DMXL2: variants seen among roughly 807,000 people sequenced by gnomAD.
The protein encoded by DMXL2 is dmX-like protein 2.
Under a neutral mutation model 331.1 loss-of-function variants are expected in DMXL2, and 103 were observed. The observed-to-expected ratio is 0.31, with a 90% CI of 0.27 to 0.37. The LOEUF (loss-of-function observed/expected upper bound fraction) is 0.37, where lower values mean the gene tolerates loss of function less well. Among genes scored for constraint, DMXL2 ranks in the 10% least tolerant of loss-of-function variants. The pLI, the probability that DMXL2 is intolerant of heterozygous loss-of-function variation, is 1.00. For missense variants in DMXL2, 3,171 were observed against 3,642.9 expected, an observed-to-expected ratio of 0.87 and a Z score of 3.33; for synonymous variants, 1,281 against 1,252.1, an observed-to-expected ratio of 1.02 and a Z score of -0.49.
chr15:51,478,466 G>C, intron 25 of DMXL2, 119 bp from the exon 26 acceptor site: 2 of 782,496 alleles, frequency 2.6e-6, no homozygotes, highest in Non-Finnish European at 2.1e-6. Context: ...CTGAATCCTA[G>C]ATGAGACTAC....
chr15:51,558,776 A>G (rs1440930480), intron 6 of DMXL2, among the ~76,000 whole-genome samples: 1 of 152,254 alleles, frequency 6.6e-6, no homozygotes, highest in Non-Finnish European at 1.5e-5. Flanking sequence ...AGAAAGTGAG[A>G]TACTGAAATT....
At chr15:51,541,463 A>G (rs546397361) in intron 9 of DMXL2, among the ~76,000 whole-genome samples, 6 of 152,204 alleles carry the variant, frequency 3.9e-5, no homozygotes, top group South Asian at 2.1e-4. Flanking sequence ...GCATATCTCA[A>G]TTTGGACCAG....
intron 36 of DMXL2, chr15:51,458,199 T>TA (rs2039810880): frequency 4.5e-6 from 1 of 221,988 alleles, no homozygotes; most frequent in African/African-American, 2.3e-5. Context: ...TGACTCAGTG[T>TA]AATTAACATA....
chr15:51,466,537 T>C (rs2040589096), intron 29 of DMXL2: 1 of 159,296 alleles, frequency 6.3e-6, no homozygotes, highest in South Asian at 2.0e-4. Flanking sequence ...AAGGTAAAAC[T>C]CTCATATTCA....
chr15:51,575,912 C>A (rs889790215), intron 2 of DMXL2, 144 bp downstream of exon 2: 3 of 768,596 alleles, frequency 3.9e-6, no homozygotes, highest in Non-Finnish European at 6.3e-6. Context: ...TTTGTATAAA[C>A]CTATCACTTT....
chr15:51,560,092 T>C (rs559998163), intron 6 of DMXL2, among the ~76,000 whole-genome samples: 1 of 152,240 alleles, frequency 6.6e-6, no homozygotes, highest in African/African-American at 2.4e-5. Flanking sequence ...CAACTTTCAT[T>C]TGGATTAGGG....
chr15:51,557,509 C>T (rs982154004), intron 6 of DMXL2, among the ~76,000 whole-genome samples: 6 of 152,112 alleles, frequency 3.9e-5, no homozygotes, highest in African/African-American at 7.2e-5. Context: ...TTTCTGTTTG[C>T]TTTGTAAAAA....
intron 8 of DMXL2, 54 bp downstream of exon 8, chr15:51,545,529 C>T: frequency 1.1e-5 from 17 of 1,522,780 alleles, no homozygotes; most frequent in Non-Finnish European, 1.5e-5. Context: ...CATGAATTTC[C>T]ACCAGGCTCA....
At chr15:51,493,478 G>A (rs2042948204) in intron 19 of DMXL2, among the ~76,000 whole-genome samples, 1 of 152,030 alleles carries the variant, frequency 6.6e-6, no homozygotes, top group African/African-American at 2.4e-5. Flanking sequence ...AAAAGAACAG[G>A]GGCACGAATA....
intron 33 of DMXL2, among the ~76,000 whole-genome samples, chr15:51,461,476 T>C (rs1317196780): frequency 6.6e-6 from 1 of 152,206 alleles, no homozygotes; most frequent in Non-Finnish European, 1.5e-5. Context: ...TTTAATAATT[T>C]GAAGAACAAA....
intron 14 of DMXL2, 45 bp downstream of exon 14, chr15:51,517,033 G>A (rs762392109): frequency 8.3e-6 from 12 of 1,441,770 alleles, no homozygotes; most frequent in Non-Finnish European, 1.1e-5. Flanking sequence ...AAAACACCAT[G>A]GGATAAAGTA....
intron 22 of DMXL2, 41 bp downstream of exon 22, chr15:51,487,913 A>G: frequency 6.8e-7 from 1 of 1,469,702 alleles, no homozygotes; most frequent in Non-Finnish European, 9.1e-7. Flanking sequence ...TAGGTTTTCA[A>G]TCTTTTACAA....
intron 22 of DMXL2, among the ~76,000 whole-genome samples, chr15:51,487,029 A>G (rs992682716): frequency 1.5e-4 from 23 of 152,116 alleles, no homozygotes; most frequent in African/African-American, 5.3e-4. Context: ...CTGTTTTTCT[A>G]TCATATATTA....
At chr15:51,510,313 G>C (rs567891786) in intron 15 of DMXL2, among the ~76,000 whole-genome samples, 6 of 152,088 alleles carry the variant, frequency 3.9e-5, no homozygotes, top group African/African-American at 1.2e-4. Context: ...AAACCCAATC[G>C]TCTCAGCCCA....
chr15:51,534,094 G>GA (rs1567080001), intron 13 of DMXL2, among the ~76,000 whole-genome samples: 1 of 152,138 alleles, frequency 6.6e-6, no homozygotes, highest in Admixed American at 6.6e-5. Flanking sequence ...CAGGGAGGGG[G>GA]AAAGACTTCG....
chr15:51,529,439 A>C (rs915132931), intron 13 of DMXL2, among the ~76,000 whole-genome samples: 3 of 152,166 alleles, frequency 2.0e-5, no homozygotes, highest in Non-Finnish European at 4.4e-5. Context: ...CTGATGCCAA[A>C]GAAATTGAAA....
At chr15:51,494,319 G>A (rs545369214) in intron 19 of DMXL2, among the ~76,000 whole-genome samples, 1 of 152,160 alleles carries the variant, frequency 6.6e-6, no homozygotes, top group East Asian at 1.9e-4. Flanking sequence ...ATCAAGCCTA[G>A]TGTTCTAGGT....
At position 51,480,575 on chromosome 15, in the gene DMXL2, C is replaced by T; in HGVS notation, c.6531G>A (p.Met2177Ile). ...AQGGGLASVRMELKFLLQESQ... is the reference protein window; with the variant it reads ...AQGGGLASVRIELKFLLQESQ... ...ATTCTTGTAGCAAAAATTTGAGTTC[C>T]ATCCTTACTGAAGCCAAACCACCAC... The change falls in exon 24 of 44, where the codon ATG becomes ATA. Residue 2177 changes from methionine (M) to isoleucine (I), a missense_variant. Transcript: ENST00000560891. The T allele has an allele frequency of 6.5e-7, 1 of 1,539,754 alleles. No individual in the cohort carries two copies. Among genetic ancestry groups the T allele is most frequent in the South Asian group, 1.2e-5 (1 of 81,406 alleles).
At chr15:51,491,238 C>T (rs540456059) in intron 20 of DMXL2, among the ~76,000 whole-genome samples, 13 of 152,110 alleles carry the variant, frequency 8.5e-5, no homozygotes, top group Non-Finnish European at 1.8e-4. Flanking sequence ...GTCAGGGATT[C>T]GAGACCATCC....
Sources: gnomAD v4.1 joint callset for allele counts (sites outside exome capture counted in the v4.1 genomes callset) on GRCh38, gnomAD v4.1.1 for gene constraint, MANE v1.5 for transcripts, NCBI Gene and HGNC (gene_info 2026-07-23, HGNC 2026-07-21) for gene names.